The following PTPRD variants were observed in gnomAD, a reference collection of about 807,000 sequenced individuals.
PTPRD encodes the protein protein tyrosine phosphatase receptor type D, also known as receptor-type tyrosine-protein phosphatase delta.
PTPRD carries 34 observed loss-of-function variants against 214.5 expected under a neutral mutation model. That is an observed-to-expected ratio of 0.16 (90% CI 0.12 to 0.21). The LOEUF is 0.21. Ranked by LOEUF, PTPRD falls within the 10% of genes least tolerant of loss-of-function variation. The pLI is 1.00. For synonymous variants in PTPRD, 1,128 were observed against 845.7 expected, an observed-to-expected ratio of 1.33 and a Z score of -5.79; for missense variants, 2,545 against 2,398.7, an observed-to-expected ratio of 1.06 and a Z score of -1.27.
At chr9:9,376,635 G>A (rs767412910) in intron 9 of PTPRD, among the ~76,000 whole-genome samples, 4 of 152,020 alleles carry the variant, frequency 2.6e-5, no homozygotes, top group Non-Finnish European at 4.4e-5. Context: ...AAATGAAACA[G>A]TCTATGTCTT....
At chr9:9,910,047 G>C (rs2078753904) in intron 5 of PTPRD, among the ~76,000 whole-genome samples, 1 of 151,904 alleles carries the variant, frequency 6.6e-6, no homozygotes, top group African/African-American at 2.4e-5. Flanking sequence ...CATAACCTCA[G>C]GTTCAAATGC....
chr9:10,155,587 T>G (rs2099087799), intron 3 of PTPRD, among the ~76,000 whole-genome samples: 2 of 152,172 alleles, frequency 1.3e-5, no homozygotes, highest in African/African-American at 4.8e-5. Context: ...TGTGTGTTTG[T>G]CATAAACGAC....
At chr9:8,395,674 C>G (rs903540226) in intron 36 of PTPRD, among the ~76,000 whole-genome samples, 8 of 151,878 alleles carry the variant, frequency 5.3e-5, no homozygotes, top group Admixed American at 4.6e-4. Context: ...GGCATCGTAG[C>G]TCAACCCCAC....
intron 2 of PTPRD, among the ~76,000 whole-genome samples, chr9:10,425,137 A>G (rs748742297): frequency 1.3e-5 from 2 of 152,006 alleles, no homozygotes; most frequent in African/African-American, 2.4e-5. Context: ...TATAAATAAA[A>G]TCAACTCCAG....
intron 3 of PTPRD, among the ~76,000 whole-genome samples, chr9:10,088,566 G>A (rs2098387085): frequency 6.6e-6 from 1 of 151,678 alleles, no homozygotes; most frequent in African/African-American, 2.4e-5. Context: ...GTGATGCTAG[G>A]TCCATTTCAT....
At position 9,441,766 on chromosome 9, in the gene PTPRD, TA is replaced by T. The variant is rs375387031; in HGVS notation, c.-236-44285del. Among the ~76,000 whole-genome samples, 7 of 152,322 alleles carry T rather than the reference TA, an allele frequency of 4.6e-5. No individual in the cohort carries two copies. The South Asian group carries it at 1.5e-3, about 32-fold the overall frequency. ...TAATGTCCCTTTTGAATATTTATGC[TA>T]AAATGATATCATTATGTACAGTGCT... On this transcript the variant is annotated intron_variant, in intron 8 of 45. Transcript: ENST00000381196.
chr9:9,565,022 A>G (rs1384103875), intron 8 of PTPRD, among the ~76,000 whole-genome samples: 1 of 150,468 alleles, frequency 6.6e-6, no homozygotes, highest in Non-Finnish European at 1.5e-5. Flanking sequence ...AATTATCTCA[A>G]GGTCTCCAAT....
At chr9:10,019,490 T>C (rs201394839) in intron 4 of PTPRD, among the ~76,000 whole-genome samples, 9 of 152,224 alleles carry the variant, frequency 5.9e-5, no homozygotes, top group South Asian at 4.2e-4. Flanking sequence ...ATGTTTATTG[T>C]GGCACTATTC....
chr9:10,464,086 A>C (rs1358335614), intron 2 of PTPRD, among the ~76,000 whole-genome samples: 1 of 151,016 alleles, frequency 6.6e-6, no homozygotes, highest in Non-Finnish European at 1.5e-5. Flanking sequence ...TAAACATATT[A>C]AAAGTTATCA....
chr9:9,925,902 T>C (rs1005006468), intron 5 of PTPRD, among the ~76,000 whole-genome samples: 2 of 152,120 alleles, frequency 1.3e-5, no homozygotes, highest in Non-Finnish European at 2.9e-5. Context: ...GGTCATGGCT[T>C]ACTGTAGCTT....
chr9:8,446,040 T>C (rs2095711794), intron 34 of PTPRD, among the ~76,000 whole-genome samples: 1 of 152,164 alleles, frequency 6.6e-6, no homozygotes, highest in African/African-American at 2.4e-5. Context: ...GTCTAAAAGT[T>C]TGAAAATGTG....
intron 12 of PTPRD, among the ~76,000 whole-genome samples, chr9:8,691,905 G>A (rs1385834608): frequency 6.6e-6 from 1 of 152,094 alleles, no homozygotes; most frequent in African/African-American, 2.4e-5. Context: ...TTGAAATAGT[G>A]CCATTCAACT....
At chr9:9,481,796 C>G (rs1221324874) in intron 8 of PTPRD, among the ~76,000 whole-genome samples, 1 of 152,078 alleles carries the variant, frequency 6.6e-6, no homozygotes, top group Non-Finnish European at 1.5e-5. Context: ...ATCACAGAAA[C>G]AGAGTTTGAG....
chr9:8,611,549 A>G (rs999443417), intron 14 of PTPRD, among the ~76,000 whole-genome samples: 1 of 151,978 alleles, frequency 6.6e-6, no homozygotes, highest in Non-Finnish European at 1.5e-5. Flanking sequence ...TACAAAAAAT[A>G]CAAAAATTAG....
chr9:10,405,573 G>A (rs549156039), intron 2 of PTPRD, among the ~76,000 whole-genome samples: 6 of 147,366 alleles, frequency 4.1e-5, no homozygotes, highest in Non-Finnish European at 6.1e-5. Flanking sequence ...ATTCTGCTCT[G>A]ACTGTCTGGT....
intron 8 of PTPRD, among the ~76,000 whole-genome samples, chr9:9,430,245 C>T (rs62532952): frequency 0.31 from 47,331 of 151,888 alleles, 7,900 homozygotes; most frequent in Middle Eastern, 0.41. Flanking sequence ...ACAAGCATTC[C>T]TATACACCAA....
chr9:8,478,374 G>C (rs2096808949), intron 30 of PTPRD, among the ~76,000 whole-genome samples: 1 of 152,108 alleles, frequency 6.6e-6, no homozygotes, highest in Non-Finnish European at 1.5e-5. Flanking sequence ...AAAAGAAAAA[G>C]TTGAGAACAA....
chr9:9,474,573 G>C (rs1289596154), intron 8 of PTPRD, among the ~76,000 whole-genome samples: 6 of 152,106 alleles, frequency 3.9e-5, no homozygotes, highest in Admixed American at 3.9e-4. Flanking sequence ...TAGCCCATCA[G>C]TACAGGATAT....
intron 10 of PTPRD, among the ~76,000 whole-genome samples, chr9:9,061,972 G>C (rs2099708339): frequency 6.6e-6 from 1 of 152,022 alleles, no homozygotes; most frequent in African/African-American, 2.4e-5. Flanking sequence ...TGTGGGAGTA[G>C]AAATTAAAAG....
Sources: allele counts gnomAD v4.1 joint callset (sites outside exome capture counted in the v4.1 genomes callset), GRCh38; gene constraint gnomAD v4.1.1; transcripts MANE v1.5; gene names NCBI Gene and HGNC (gene_info 2026-07-23, HGNC 2026-07-21).